ARHGAP8: variants seen among roughly 807,000 people sequenced by gnomAD.
ARHGAP8 encodes Rho GTPase activating protein 8.
Under a neutral mutation model 46.1 loss-of-function variants are expected in ARHGAP8, and 62 were observed. The ratio of observed to expected loss-of-function variants is 1.34; its 90% CI spans 1.10 to 1.66. The LOEUF is 1.66. ARHGAP8 is among the 40% of genes most tolerant of loss of function. ARHGAP8 has a pLI of 0.00. For missense variants in ARHGAP8, 923 were observed against 568.4 expected (o/e 1.62, Z -6.34); for synonymous variants, 375 against 243.1 (o/e 1.54, Z -5.05).
At chr22:44,787,264 G>A (rs1411796848) in intron 2 of ARHGAP8, among the ~76,000 whole-genome samples, 1 of 152,188 alleles carries the variant, frequency 6.6e-6, no homozygotes, top group African/African-American at 2.4e-5. Flanking sequence ...CTGCAAAAAC[G>A]TAGACAACAA....
chr22:44,770,170 G>A (rs1925892615), intron 1 of ARHGAP8, among the ~76,000 whole-genome samples: 1 of 152,120 alleles, frequency 6.6e-6, no homozygotes, highest in Non-Finnish European at 1.5e-5. Flanking sequence ...CTTAAACCCA[G>A]GAGGCGGAGG....
chr22:44,814,450 G>C (rs898082951), intron 4 of ARHGAP8, among the ~76,000 whole-genome samples: 1 of 152,184 alleles, frequency 6.6e-6, no homozygotes, highest in South Asian at 2.1e-4. Flanking sequence ...GCTGTGCCTC[G>C]GCGAACTAAA....
intron 2 of ARHGAP8, among the ~76,000 whole-genome samples, chr22:44,799,258 G>T (rs766311205): frequency 6.6e-6 from 1 of 152,224 alleles, no homozygotes; most frequent in Non-Finnish European, 1.5e-5. Context: ...GCTGCGTGTG[G>T]CCTCTCCCTG....
chr22:44,802,243 G>C, intron 3 of ARHGAP8, 79 bp downstream of exon 3: 1 of 1,558,320 alleles, frequency 6.4e-7, no homozygotes, highest in Non-Finnish European at 8.8e-7. Context: ...ACCTCACTCT[G>C]AGTCATCTGC....
chr22:44,764,781 G>A (rs1057218256), intron 1 of ARHGAP8, among the ~76,000 whole-genome samples: 3 of 152,212 alleles, frequency 2.0e-5, no homozygotes, highest in African/African-American at 7.2e-5. Flanking sequence ...GTGTTCTCCA[G>A]GCCAACAGAA....
At chr22:44,821,676 A>G (rs771793186) in intron 5 of ARHGAP8, among the ~76,000 whole-genome samples, 2 of 152,260 alleles carry the variant, frequency 1.3e-5, no homozygotes, top group Admixed American at 1.3e-4. Flanking sequence ...GACGTCAGGC[A>G]GTGGACTAGA....
chr22:44,858,543 TTTTTTTTTA>T (rs2070311767), intron 10 of ARHGAP8, among the ~76,000 whole-genome samples: 1 of 132,748 alleles, frequency 7.5e-6, no homozygotes, highest in South Asian at 2.4e-4. Flanking sequence ...CTTTTTTTTT[TTTTTTTTTA>T]AGTAACAGGG....
At chr22:44,803,664 C>T (rs1256472082) in intron 3 of ARHGAP8, among the ~76,000 whole-genome samples, 1 of 126,502 alleles carries the variant, frequency 7.9e-6, no homozygotes, top group Non-Finnish European at 1.7e-5. Flanking sequence ...CCCTCCCATG[C>T]ACACACCCCC....
chr22:44,770,389 G>C (rs1569136061), intron 1 of ARHGAP8, among the ~76,000 whole-genome samples: 2 of 151,892 alleles, frequency 1.3e-5, no homozygotes. Context: ...AGTCTGAAAA[G>C]GCCAACCTTA....
chr22:44,820,720 G>T (rs1422906831), intron 5 of ARHGAP8, among the ~76,000 whole-genome samples: 1 of 152,202 alleles, frequency 6.6e-6, no homozygotes, highest in Non-Finnish European at 1.5e-5. Flanking sequence ...CTACCTGGCA[G>T]TGTCCTTGAA....
At chr22:44,821,233 C>T (rs979391112) in intron 5 of ARHGAP8, among the ~76,000 whole-genome samples, 2 of 152,040 alleles carry the variant, frequency 1.3e-5, no homozygotes, top group East Asian at 1.9e-4. Context: ...AGATCGAGAC[C>T]ATCCTGGCTA....
At chr22:44,779,909 A>C (rs1926719511) in intron 1 of ARHGAP8, among the ~76,000 whole-genome samples, 2 of 152,046 alleles carry the variant, frequency 1.3e-5, no homozygotes, top group Non-Finnish European at 2.9e-5. Flanking sequence ...GGTCCCTTGA[A>C]GGGCATTTCC....
chr22:44,790,722 G>GAAAAAAAAAAA (rs1927611991), intron 2 of ARHGAP8, among the ~76,000 whole-genome samples: 1 of 125,776 alleles, frequency 8.0e-6, no homozygotes, highest in Admixed American at 8.5e-5. Context: ...CCCTGGGAAA[G>GAAAAAAAAAAA]AACCTGGCCG....
intron 9 of ARHGAP8, 43 bp downstream of exon 9, chr22:44,848,093 G>A (rs1480457123): frequency 6.3e-7 from 1 of 1,599,214 alleles, no homozygotes; most frequent in Non-Finnish European, 8.5e-7. Context: ...TGCCTGGTCA[G>A]CGAGCACAGC....
At chr22:44,858,389 T>A (rs951705894) in intron 10 of ARHGAP8, among the ~76,000 whole-genome samples, 1 of 149,570 alleles carries the variant, frequency 6.7e-6, no homozygotes, top group Non-Finnish European at 1.5e-5. Flanking sequence ...TTTTTTGAGA[T>A]GGAGTTTCAC....
intron 1 of ARHGAP8, among the ~76,000 whole-genome samples, chr22:44,764,653 A>G (rs1023371295): frequency 4.6e-5 from 7 of 151,980 alleles, no homozygotes; most frequent in African/African-American, 1.7e-4. Flanking sequence ...TTCCTCCTTT[A>G]CAGTGTCAGT....
At chr22:44,784,913 C>T (rs1336191280) in intron 1 of ARHGAP8, among the ~76,000 whole-genome samples, 1 of 152,196 alleles carries the variant, frequency 6.6e-6, no homozygotes, top group Non-Finnish European at 1.5e-5. Context: ...CCCCTACTCA[C>T]CCCACCCTGG....
chr22:44,803,275 G>A (rs959509704), intron 3 of ARHGAP8, among the ~76,000 whole-genome samples: 2 of 152,138 alleles, frequency 1.3e-5, no homozygotes, highest in African/African-American at 4.8e-5. Flanking sequence ...GGTACAGGGT[G>A]GGGGGCCGTA....
At chr22:44,756,403 C>T (rs1463829490) in intron 1 of ARHGAP8, among the ~76,000 whole-genome samples, 2 of 152,130 alleles carry the variant, frequency 1.3e-5, no homozygotes, top group East Asian at 1.9e-4. Context: ...CTCTCCAAAG[C>T]GGACCCCACG....
Sources: allele counts gnomAD v4.1 joint callset (sites outside exome capture counted in the v4.1 genomes callset), GRCh38; gene constraint gnomAD v4.1.1; transcripts MANE v1.5; gene names NCBI Gene and HGNC (gene_info 2026-07-23, HGNC 2026-07-21).